MAPK4: variants seen among roughly 807,000 people sequenced by gnomAD.
MAPK4 encodes the protein Erk3-related.
Under a neutral mutation model 47.7 loss-of-function variants are expected in MAPK4, and 22 were observed. The observed-to-expected ratio is 0.46, with a 90% confidence interval of 0.33 to 0.66. The LOEUF is 0.66. Among genes scored for constraint, MAPK4 ranks in the 30% least tolerant of loss-of-function variants. The pLI, the probability that MAPK4 is intolerant of heterozygous loss-of-function variation, is 0.02. For missense variants in MAPK4, 736 were observed against 831.7 expected, an observed-to-expected ratio of 0.88 and a Z score of 1.42; for synonymous variants, 390 against 365.7, an observed-to-expected ratio of 1.07 and a Z score of -0.76.
chr18:50,642,853 C>A lies in MAPK4; in HGVS notation c.-870-20236C>A, dbSNP rs114388471. Among the ~76,000 whole-genome samples, 700 of 152,346 alleles carry A rather than the reference C, an allele frequency of 4.6e-3. 3 individuals are homozygous for A. The highest frequency in any genetic ancestry group is 0.016 in the African/African-American group (657 of 41,578). On this transcript the variant is annotated intron_variant, in intron 1 of 5. Coordinates refer to ENST00000400384, the MANE Select transcript of MAPK4 (RefSeq NM_002747.4). Reference sequence around the variant, plus strand: ...CTCCTGACCTCAGGTAATCCGCCCACCTTGGCCTCCCAAAACGCTGGGATT... The same window carrying A: ...CTCCTGACCTCAGGTAATCCGCCCAACTTGGCCTCCCAAAACGCTGGGATT...
intron 1 of MAPK4, among the ~76,000 whole-genome samples, chr18:50,615,142 C>T (rs973371477): frequency 2.0e-5 from 3 of 152,138 alleles, no homozygotes; most frequent in East Asian, 1.9e-4. Context: ...CGTGCTGTGT[C>T]GGTGCCCAGC....
intron 1 of MAPK4, among the ~76,000 whole-genome samples, chr18:50,579,523 T>G (rs2042325387): frequency 6.6e-6 from 1 of 152,166 alleles, no homozygotes; most frequent in South Asian, 2.1e-4. Flanking sequence ...TAGATGAGTT[T>G]GGGGAGGAAT....
intron 1 of MAPK4, among the ~76,000 whole-genome samples, chr18:50,642,216 C>A (rs2042946851): frequency 6.6e-6 from 1 of 152,156 alleles, no homozygotes; most frequent in Non-Finnish European, 1.5e-5. Context: ...ATTTTCCCCG[C>A]AGTTTAGCTG....
chr18:50,709,946 A>G (rs917021768), intron 2 of MAPK4, among the ~76,000 whole-genome samples: 1 of 151,996 alleles, frequency 6.6e-6, no homozygotes, highest in East Asian at 1.9e-4. Flanking sequence ...GATGATCTGA[A>G]TCATTTTCCC....
intron 1 of MAPK4, among the ~76,000 whole-genome samples, chr18:50,659,564 C>A (rs1411553980): frequency 6.6e-6 from 1 of 152,142 alleles, no homozygotes; most frequent in East Asian, 1.9e-4. Flanking sequence ...GGTTTGCCTC[C>A]GCATGTTAAA....
At chr18:50,635,717 C>G (rs2042879889) in intron 1 of MAPK4, among the ~76,000 whole-genome samples, 1 of 152,182 alleles carries the variant, frequency 6.6e-6, no homozygotes, top group Non-Finnish European at 1.5e-5. Flanking sequence ...CCATAAGACC[C>G]TCATGATTAT....
intron 1 of MAPK4, among the ~76,000 whole-genome samples, chr18:50,614,520 A>G (rs1404471777): frequency 6.6e-6 from 1 of 152,158 alleles, no homozygotes; most frequent in East Asian, 1.9e-4. Flanking sequence ...TAAAAATAAA[A>G]CCATTTTTAA....
chr18:50,675,833 G>T (rs1417221942), intron 2 of MAPK4, among the ~76,000 whole-genome samples: 1 of 151,966 alleles, frequency 6.6e-6, no homozygotes, highest in Non-Finnish European at 1.5e-5. Flanking sequence ...CACCTTGTTG[G>T]CCAGGCTGGT....
chr18:50,660,236 C>T (rs2043155655), intron 1 of MAPK4, among the ~76,000 whole-genome samples: 1 of 152,168 alleles, frequency 6.6e-6, no homozygotes, highest in African/African-American at 2.4e-5. Flanking sequence ...CAAATGGGAA[C>T]AGAGAAATGG....
intron 1 of MAPK4, among the ~76,000 whole-genome samples, chr18:50,580,745 A>G (rs887024613): frequency 6.6e-6 from 1 of 152,212 alleles, no homozygotes; most frequent in Non-Finnish European, 1.5e-5. Context: ...GCACTAGAAT[A>G]TAAACTGCCA....
At chr18:50,657,942 G>GC (rs2043128477) in intron 1 of MAPK4, among the ~76,000 whole-genome samples, 1 of 152,032 alleles carries the variant, frequency 6.6e-6, no homozygotes, top group African/African-American at 2.4e-5. Context: ...TGGGTAGGTG[G>GC]CCACAGTCAG....
At chr18:50,595,180 C>T (rs2042471221) in intron 1 of MAPK4, among the ~76,000 whole-genome samples, 1 of 152,142 alleles carries the variant, frequency 6.6e-6, no homozygotes, top group Admixed American at 6.5e-5. Context: ...TACCCTATGA[C>T]CCAACCAATT....
chr18:50,664,235 G>A lies in MAPK4; in HGVS notation c.277G>A (p.Gly93Ser), dbSNP rs1027949763. ...CGGTCCCAAGGGCACTGACCTGCAGGGTGAGCTGTTCAAGTTCAGCGTGGC... is the reference window on the plus strand; with the variant it reads ...CGGTCCCAAGGGCACTGACCTGCAGAGTGAGCTGTTCAAGTTCAGCGTGGC... Reference protein sequence around the residue: ...VLGPKGTDLQGELFKFSVAYI... With the variant: ...VLGPKGTDLQSELFKFSVAYI... The change falls in exon 2 of 6, where the codon GGT (glycine) becomes AGT (serine). Residue 93 changes from glycine (G) to serine (S), a missense_variant. By Grantham distance (56) the Gly-to-Ser change is moderately conservative. Coordinates refer to ENST00000400384, the MANE Select transcript of MAPK4 (RefSeq NM_002747.4). This position sits in a 1 kb window ranked among gnomAD's most constrained non-coding sequence, Gnocchi z 6.0. The A allele has an allele frequency of 1.2e-6, 2 of 1,613,922 alleles. No homozygotes were observed. The highest frequency in any genetic ancestry group is 2.7e-5 in the African/African-American group (2 of 74,922).
chr18:50,716,371 C>T (rs1046614359), intron 3 of MAPK4, among the ~76,000 whole-genome samples: 1 of 152,212 alleles, frequency 6.6e-6, no homozygotes, highest in Non-Finnish European at 1.5e-5. Flanking sequence ...AATCCCCCCT[C>T]AGTTGCTTCT....
In MAPK4 at chr18:50,639,878, A is replaced by G. The variant is rs934745; in HGVS notation, c.-870-23211A>G. 4.2e-3 allele frequency among the ~76,000 whole-genome samples: 644 copies of G among 152,336 alleles called. 4 individuals carry two copies. The highest frequency in any genetic ancestry group is 0.015 in the African/African-American group (619 of 41,564). ...GTGGGACAGGCATCTATCTTGAGAA[A>G]TCTATGCTATTTATATACTCTTCGC... On this transcript the variant is annotated intron_variant, in intron 1 of 5. Transcript: ENST00000400384.
At chr18:50,630,994 A>C (rs1222552481) in intron 1 of MAPK4, among the ~76,000 whole-genome samples, 1 of 152,130 alleles carries the variant, frequency 6.6e-6, no homozygotes, top group Non-Finnish European at 1.5e-5. Context: ...ACTCCCTAAA[A>C]TTTATTTGTA....
At chr18:50,605,174 G>A (rs78210785) in intron 1 of MAPK4, among the ~76,000 whole-genome samples, 3,738 of 152,298 alleles carry the variant, frequency 0.025, 152 homozygotes, top group African/African-American at 0.085. Flanking sequence ...AGTGACTTAT[G>A]TAAAGTCACA....
chr18:50,568,952 G>A (rs890881106), intron 1 of MAPK4, among the ~76,000 whole-genome samples: 1 of 152,096 alleles, frequency 6.6e-6, no homozygotes, highest in African/African-American at 2.4e-5. Flanking sequence ...GTTCTTTATT[G>A]TAATTTTTAT....
intron 1 of MAPK4, among the ~76,000 whole-genome samples, chr18:50,644,228 G>A (rs1417339119): frequency 6.6e-6 from 1 of 152,024 alleles, no homozygotes; most frequent in East Asian, 1.9e-4. Flanking sequence ...TGGTTGCCTT[G>A]GTAAGAGCTT....
Sources: gnomAD v4.1 joint callset for allele counts (sites outside exome capture counted in the v4.1 genomes callset) on GRCh38, gnomAD v4.1.1 for gene constraint, Gnocchi (gnomAD v3.1) non-coding constraint, MANE v1.5 for transcripts, NCBI Gene and HGNC (gene_info 2026-07-23, HGNC 2026-07-21) for gene names.